The following MRAP2 variants were observed in gnomAD, a reference collection of about 807,000 sequenced individuals.
The protein encoded by MRAP2 is melanocortin-2 receptor accessory protein 2.
Under a neutral mutation model 17.4 loss-of-function variants are expected in MRAP2, and 20 were observed. The observed-to-expected ratio is 1.15, with a 90% CI of 0.81 to 1.67. MRAP2 has a LOEUF of 1.67. Ranked by LOEUF, MRAP2 falls within the 40% of genes most tolerant of loss-of-function variation. MRAP2 has a pLI of 0.00. For missense variants in MRAP2, 238 were observed against 240.0 expected (o/e 0.99, Z 0.05); for synonymous variants, 96 against 88.4 (o/e 1.09, Z -0.48).
At chr6:84,062,742 A>G in intron 2 of MRAP2, 151 bp from the exon 3 acceptor site, 4 of 1,443,580 alleles carry the variant, frequency 2.8e-6, no homozygotes, top group South Asian at 1.4e-5. Flanking sequence ...CTCATCCTTT[A>G]CATCTTATCA....
At position 84,089,208 on chromosome 6, in the gene MRAP2, C is replaced by A; in HGVS notation, c.345C>A (p.Leu115=). The A allele has an allele frequency of 6.2e-7, 1 of 1,614,212 alleles. No homozygotes were observed. Residue 115 remains leucine (L), a synonymous_variant, in exon 4 of 4, where the codon CTC becomes CTA. Coordinates refer to ENST00000257776, the MANE Select transcript of MRAP2 (RefSeq NM_138409.4). ...SRQGNEESRS[L]FHCYINEVER... ...AAGGCAACGAGGAGTCCAGGTCTCTCTTTCACTGCTACATCAATGAGGTGG... is the reference window on the plus strand; with the variant it reads ...AAGGCAACGAGGAGTCCAGGTCTCTATTTCACTGCTACATCAATGAGGTGG...
chr6:84,125,415 T>A, the MRAP2 span: 10 of 702,912 alleles, frequency 1.4e-5, no homozygotes, highest in African/African-American at 1.8e-4. Context: ...GATGCAACAT[T>A]TTCTGTCTTC....
the MRAP2 span, among the ~76,000 whole-genome samples, chr6:84,143,186 C>T: frequency 2.0e-5 from 3 of 152,126 alleles, no homozygotes; most frequent in South Asian, 6.2e-4. Flanking sequence ...TTCACAGACT[C>T]ATATTGCTGA....
chr6:84,124,964 T>A, the MRAP2 span: 1 of 859,150 alleles, frequency 1.2e-6, no homozygotes, highest in Non-Finnish European at 1.8e-6. Context: ...GTTTGCTTTC[T>A]GGAAACATAT....
intron 2 of MRAP2, among the ~76,000 whole-genome samples, chr6:84,059,736 A>C (rs1241210077): frequency 6.6e-6 from 1 of 152,250 alleles, no homozygotes; most frequent in African/African-American, 2.4e-5. Context: ...GTGTCTAGAC[A>C]GGACAGAGTG....
At chr6:84,052,883 C>A in intron 1 of MRAP2, 1 of 655,738 alleles carries the variant, frequency 1.5e-6, no homozygotes, top group East Asian at 1.4e-4. Flanking sequence ...TTTCATTACC[C>A]TTTGGTAATG....
chr6:84,036,242 A>C (rs1239893111), intron 1 of MRAP2, among the ~76,000 whole-genome samples: 1 of 152,064 alleles, frequency 6.6e-6, no homozygotes, highest in African/African-American at 2.4e-5. Flanking sequence ...CAAGAGTATG[A>C]GGGTTCATCA....
At chr6:84,057,309 A>G (rs1325459125) in intron 2 of MRAP2, among the ~76,000 whole-genome samples, 1 of 152,232 alleles carries the variant, frequency 6.6e-6, no homozygotes, top group African/African-American at 2.4e-5. Context: ...CAGATTCAAA[A>G]GAACAGAAGC....
intron 3 of MRAP2, among the ~76,000 whole-genome samples, chr6:84,064,577 T>C (rs2099494090): frequency 6.6e-6 from 1 of 152,030 alleles, no homozygotes; most frequent in African/African-American, 2.4e-5. Context: ...AAGCTCCGCC[T>C]CCCGGGTTCA....
chr6:84,101,823 T>G, the MRAP2 span, among the ~76,000 whole-genome samples: 2 of 152,194 alleles, frequency 1.3e-5, no homozygotes, highest in Admixed American at 1.3e-4. Context: ...TAGCAGTCAT[T>G]TGCCTTTAAG....
At chr6:84,075,801 T>C (rs973203396) in intron 3 of MRAP2, among the ~76,000 whole-genome samples, 1 of 152,284 alleles carries the variant, frequency 6.6e-6, no homozygotes, top group Middle Eastern at 3.4e-3. Context: ...AAAATGGGAA[T>C]TATATTCTAT....
the MRAP2 span, among the ~76,000 whole-genome samples, chr6:84,117,693 T>C: frequency 6.6e-6 from 1 of 150,720 alleles, no homozygotes; most frequent in Non-Finnish European, 1.5e-5. Flanking sequence ...GTGGTTGTTG[T>C]TGTTGTTCAT....
At chr6:84,063,761 T>A (rs1455478277) in intron 3 of MRAP2, among the ~76,000 whole-genome samples, 4 of 150,942 alleles carry the variant, frequency 2.7e-5, no homozygotes, top group African/African-American at 9.8e-5. Flanking sequence ...ATTAAAAGAG[T>A]TTTTGGCCGG....
chr6:84,039,508 T>G (rs528813707), intron 1 of MRAP2, among the ~76,000 whole-genome samples: 1 of 152,246 alleles, frequency 6.6e-6, no homozygotes, highest in Admixed American at 6.5e-5. Flanking sequence ...CTTATAGTAT[T>G]GTTGAGATAT....
At chr6:84,084,594 C>A (rs527883374) in intron 3 of MRAP2, among the ~76,000 whole-genome samples, 17 of 152,264 alleles carry the variant, frequency 1.1e-4, no homozygotes, top group African/African-American at 3.6e-4. Context: ...ATGCCATAAG[C>A]AGTGAGTTTG....
At chr6:84,077,777 C>T (rs191483826) in intron 3 of MRAP2, among the ~76,000 whole-genome samples, 1 of 151,756 alleles carries the variant, frequency 6.6e-6, no homozygotes, top group East Asian at 1.9e-4. Flanking sequence ...ACTGGATAAA[C>T]ATATGAAAAA....
chr6:84,086,517 G>A (rs2099500496), intron 3 of MRAP2, among the ~76,000 whole-genome samples: 1 of 152,136 alleles, frequency 6.6e-6, no homozygotes, highest in Admixed American at 6.6e-5. Flanking sequence ...ACAACATACA[G>A]GTCCTTTTGT....
chr6:84,043,591 T>C (rs1420082087), intron 1 of MRAP2, among the ~76,000 whole-genome samples: 1 of 151,372 alleles, frequency 6.6e-6, no homozygotes, highest in Non-Finnish European at 1.5e-5. Flanking sequence ...TTAATGACCC[T>C]GTTGTTTCTA....
At chr6:84,066,195 A>C (rs928798087) in intron 3 of MRAP2, among the ~76,000 whole-genome samples, 9 of 152,318 alleles carry the variant, frequency 5.9e-5, no homozygotes, top group African/African-American at 2.2e-4. Flanking sequence ...TATTCTGAAC[A>C]ATGCTCAATC....
Sources: gnomAD v4.1 joint callset for allele counts (sites outside exome capture counted in the v4.1 genomes callset) on GRCh38, gnomAD v4.1.1 for gene constraint, MANE v1.5 for transcripts, NCBI Gene and HGNC (gene_info 2026-07-23, HGNC 2026-07-21) for gene names.